The following ANKRD26 variants were observed in gnomAD, a reference collection of about 807,000 sequenced individuals.
ANKRD26 encodes the protein ankyrin repeat domain 26.
Under a neutral mutation model 208.7 loss-of-function variants are expected in ANKRD26, and 141 were observed. That is an observed-to-expected ratio of 0.68 (90% confidence interval 0.59 to 0.78). ANKRD26 has a LOEUF of 0.78. Ranked by LOEUF, ANKRD26 falls within the 30% of genes least tolerant of loss-of-function variation. The pLI, the probability that ANKRD26 is intolerant of heterozygous loss-of-function variation, is 0.00. For synonymous variants in ANKRD26, 636 were observed against 660.4 expected (o/e 0.96, Z 0.57); for missense variants, 1,889 against 1,938.7 (o/e 0.97, Z 0.48).
chr10:27,087,310 G>A (rs2056155420), intron 4 of ANKRD26, among the ~76,000 whole-genome samples: 1 of 152,028 alleles, frequency 6.6e-6, no homozygotes, highest in South Asian at 2.1e-4. Flanking sequence ...TATTTCACTA[G>A]GGTTATAAAG....
At chr10:26,973,853 C>T (rs766163608), downstream of ANKRD26, among the ~76,000 whole-genome samples, 2 of 151,648 alleles carry the variant, frequency 1.3e-5, no homozygotes, top group Non-Finnish European at 2.9e-5. Flanking sequence ...GACGGGGTTT[C>T]GCCATGTTGG....
In ANKRD26 at chr10:27,044,484, G is replaced by A. The variant is rs1425079778; in HGVS notation, c.1986-294C>T. On this transcript the variant is annotated intron_variant, in intron 18 of 33. Coordinates refer to ENST00000376087, the MANE Select transcript of ANKRD26 (RefSeq NM_014915.3). ...AGTCAAAGCAAAATGAAAACATAGT[G>A]TTACTTGCATTATTCAATAGAAAGA... is the stretch of plus-strand genomic sequence containing the variant. 2.0e-5 allele frequency among the ~76,000 whole-genome samples: 3 copies of A among 149,510 alleles called. No individual in the cohort carries two copies. In the East Asian group the frequency reaches 5.8e-4, roughly 29 times the overall value.
At chr10:27,018,445 T>C (rs2053379252) in intron 29 of ANKRD26, among the ~76,000 whole-genome samples, 2 of 152,062 alleles carry the variant, frequency 1.3e-5, no homozygotes, top group African/African-American at 4.8e-5. Flanking sequence ...CAACATGCCC[T>C]ATAATTTCTA....
intron 1 of ANKRD26, among the ~76,000 whole-genome samples, chr10:27,099,601 G>T (rs985071671): frequency 6.8e-6 from 1 of 148,014 alleles, no homozygotes; most frequent in African/African-American, 2.5e-5. Flanking sequence ...GGCTGGCCTT[G>T]AACTCCTGGC....
In ANKRD26 at chr10:27,048,918, T is replaced by C. The variant is rs765079619; in HGVS notation, c.1697A>G (p.Asp566Gly). 6 of 1,611,884 alleles carry C rather than the reference T, an allele frequency of 3.7e-6. No homozygotes were observed. The highest frequency in any genetic ancestry group is 3.3e-5 in the Admixed American group (2 of 59,882). The change falls in exon 17 of 34, where the codon GAT becomes GGT. Residue 566 changes from aspartate (D) to glycine (G), a missense_variant. Asp to Gly is a moderately conservative substitution (Grantham distance 94). This residue lies in a region of ANKRD26 where 1,272 missense variants were observed against 1,273.8 expected (regional missense o/e 1.00). Transcript: ENST00000376087. The stretch of plus-strand genomic sequence containing the variant: ...ATCTTCAGCATCATCAGTAGCACCA[T>C]CATGTATGTTTGCTGATACTTCCAT... Reference protein sequence around the residue: ...NEMEVSANIHDGATDDAEDDD... With the variant: ...NEMEVSANIHGGATDDAEDDD...
chr10:27,065,553 A>G (rs2135481406), intron 11 of ANKRD26, among the ~76,000 whole-genome samples: 1 of 152,040 alleles, frequency 6.6e-6, no homozygotes, highest in Non-Finnish European at 1.5e-5. Context: ...CTGAATATTT[A>G]TTGTCACTGG....
intron 4 of ANKRD26, among the ~76,000 whole-genome samples, chr10:26,996,933 A>G (rs894608880): frequency 2.6e-5 from 4 of 152,124 alleles, no homozygotes; most frequent in Non-Finnish European, 5.9e-5. Flanking sequence ...ACAAGATGAT[A>G]TTTTAACATT....
intron 4 of ANKRD26, among the ~76,000 whole-genome samples, chr10:26,980,953 T>C (rs2052298645): frequency 6.6e-6 from 1 of 152,180 alleles, no homozygotes; most frequent in African/African-American, 2.4e-5. Flanking sequence ...GTTGGCCTCC[T>C]GTAAGGAGGT....
intron 15 of ANKRD26, among the ~76,000 whole-genome samples, chr10:27,058,405 G>T (rs1188445676): frequency 6.6e-6 from 1 of 152,158 alleles, no homozygotes; most frequent in East Asian, 1.9e-4. Flanking sequence ...ATAAGCTAAT[G>T]GTTCATGGGT....
chr10:27,032,579 T>G lies in ANKRD26; in HGVS notation c.3807+646A>C, dbSNP rs545669444. On this transcript the variant is annotated intron_variant, in intron 25 of 33. Coordinates refer to ENST00000376087, the MANE Select transcript of ANKRD26 (RefSeq NM_014915.3). ...TGAACCCAGGAGGCGGAGGTTGCAG[T>G]GAGCCAAAATTATGCCACTGCACGC... Among the ~76,000 whole-genome samples, 14 of 150,936 alleles carry G rather than the reference T, an allele frequency of 9.3e-5. No individual in the cohort carries two copies. The South Asian group carries it at 2.3e-3, about 25-fold the overall frequency.
At chr10:26,952,552 T>C in the ANKRD26 span, among the ~76,000 whole-genome samples, 1,243 of 152,204 alleles carry the variant, frequency 8.2e-3, 19 homozygotes, top group African/African-American at 0.025. Context: ...GATTTTCCAA[T>C]AAAACTGATA....
chr10:27,029,344 G>C lies in ANKRD26; in HGVS notation c.3820C>G (p.Gln1274Glu). The change falls in exon 26 of 34, where the codon CAG becomes GAG. Residue 1274 changes from glutamine (Q) to glutamate (E), a missense_variant. By Grantham distance (29) the Gln-to-Glu change is conservative. Coordinates refer to ENST00000376087, the MANE Select transcript of ANKRD26 (RefSeq NM_014915.3). ...CTGACAGCTTCTGTATGTCGATCCT[G>C]TGCTTCTTGCAACTAAAACAAAGAA... ...GQIRNQLQEA[Q>E]DRHTEAVRCA... The C allele has an allele frequency of 6.2e-7, 1 of 1,612,266 alleles. No homozygotes were observed. The highest frequency in any genetic ancestry group is 8.5e-7 in the Non-Finnish European group (1 of 1,178,998).
At chr10:27,060,129 G>T (rs1042815168) in intron 15 of ANKRD26, among the ~76,000 whole-genome samples, 1 of 152,026 alleles carries the variant, frequency 6.6e-6, no homozygotes, top group Non-Finnish European at 1.5e-5. Context: ...CTTGAACCTG[G>T]GAGGCGGAGG....
At chr10:27,001,282 G>A (rs558813851), downstream of ANKRD26, among the ~76,000 whole-genome samples, 29 of 152,244 alleles carry the variant, frequency 1.9e-4, no homozygotes, top group African/African-American at 5.8e-4. Context: ...GGGCCTAAGC[G>A]TGGGAGTGAA....
At chr10:27,077,944 T>C (rs946476677) in intron 7 of ANKRD26, among the ~76,000 whole-genome samples, 3 of 152,162 alleles carry the variant, frequency 2.0e-5, no homozygotes, top group African/African-American at 7.2e-5. Context: ...ATTATATAAA[T>C]ACTATGATAT....
In ANKRD26 at chr10:27,097,644, T is replaced by G. The variant is rs528865570; in HGVS notation, c.242+2441A>C. Among the ~76,000 whole-genome samples the G allele has an allele frequency of 6.7e-3, 744 of 110,382 alleles. 7 individuals carry two copies. The highest frequency in any genetic ancestry group is 0.033 in the South Asian group (109 of 3,276). 72.4% of individuals were successfully genotyped at this position (110,382 alleles called of 152,430 possible). On this transcript the variant is annotated intron_variant, in intron 1 of 33. Coordinates refer to ENST00000376087, the MANE Select transcript of ANKRD26 (RefSeq NM_014915.3). ...TTTGCAATAATATTTATCTTTTTTTTGTTTTGTTTTGTTTTGTTTTTTTGA... is the reference window on the plus strand; with the variant it reads ...TTTGCAATAATATTTATCTTTTTTTGGTTTTGTTTTGTTTTGTTTTTTTGA...
At chr10:27,068,965 G>T (rs1387479062) in intron 9 of ANKRD26, among the ~76,000 whole-genome samples, 1 of 151,990 alleles carries the variant, frequency 6.6e-6, no homozygotes. Context: ...AGGCCAAGAA[G>T]TGGGCGGATC....
chr10:26,987,875 T>C (rs2052416890), downstream of ANKRD26, among the ~76,000 whole-genome samples: 1 of 152,180 alleles, frequency 6.6e-6, no homozygotes. Flanking sequence ...AAGTGCCTGA[T>C]ACAGCTCTCA....
downstream of ANKRD26, among the ~76,000 whole-genome samples, chr10:26,989,989 A>G (rs891986494): frequency 1.3e-5 from 2 of 152,180 alleles, no homozygotes; most frequent in Non-Finnish European, 2.9e-5. Context: ...CGGTTAGCAT[A>G]TCTAAGTTGT....
Sources: gnomAD v4.1 joint callset for allele counts (sites outside exome capture counted in the v4.1 genomes callset) on GRCh38, gnomAD v4.1.1 for gene constraint, gnomAD v4.1.1 regional missense constraint, MANE v1.5 for transcripts, NCBI Gene and HGNC (gene_info 2026-07-23, HGNC 2026-07-21) for gene names.